MAGI2: variants seen among roughly 807,000 people sequenced by gnomAD.
MAGI2 encodes membrane-associated guanylate kinase, WW and PDZ domain-containing protein 2.
A neutral mutation model predicts 133.3 loss-of-function variants in MAGI2; 35 were observed. That is an observed-to-expected ratio of 0.26 (90% CI 0.20 to 0.35). The LOEUF is 0.35. Ranked by LOEUF, MAGI2 falls within the 10% of genes least tolerant of loss-of-function variation. The pLI is 1.00. For synonymous variants in MAGI2, 729 were observed against 710.6 expected (o/e 1.03, Z -0.41); for missense variants, 1,636 against 1,863.4 (o/e 0.88, Z 2.25).
At chr7:78,747,313 G>T (rs1436555763) in intron 2 of MAGI2, among the ~76,000 whole-genome samples, 1 of 152,102 alleles carries the variant, frequency 6.6e-6, no homozygotes, top group African/African-American at 2.4e-5. Context: ...TACTACCAAA[G>T]ATCTTTGGTT....
intron 3 of MAGI2, among the ~76,000 whole-genome samples, chr7:78,565,458 C>G (rs372444776): frequency 1.2e-3 from 175 of 149,690 alleles, no homozygotes; most frequent in African/African-American, 4.0e-3. Context: ...AGAGTGAGAC[C>G]CCATCTCTAA....
At position 78,661,126 on chromosome 7, in the gene MAGI2, TATTTC is replaced by T. The variant is rs139120831; in HGVS notation, c.419-33892_419-33888del. On this transcript the variant is annotated intron_variant, in intron 2 of 21. Transcript: ENST00000354212. The stretch of plus-strand genomic sequence containing the variant: ...TGTGAAGCAATATTTCTGCATACCT[TATTTC>T]ATTTGTATTTAAGAAGTTTATCATC... Among the ~76,000 whole-genome samples the T allele has an allele frequency of 2.3e-3, 354 of 152,330 alleles. 1 individual carries two copies. Among genetic ancestry groups the T allele is most frequent in the African/African-American group, 8.3e-3 (345 of 41,574 alleles).
chr7:78,922,438 C>T (rs1232088167), intron 2 of MAGI2, among the ~76,000 whole-genome samples: 27 of 150,822 alleles, frequency 1.8e-4, no homozygotes, highest in African/African-American at 4.4e-4. Flanking sequence ...TGAGAACATG[C>T]GGTGTTTGGT....
intron 10 of MAGI2, among the ~76,000 whole-genome samples, chr7:78,217,306 C>T (rs764371832): frequency 1.3e-5 from 2 of 152,194 alleles, no homozygotes; most frequent in Non-Finnish European, 2.9e-5. Context: ...TAACTTTTCT[C>T]TCCCCTATGG....
At chr7:78,286,067 A>G (rs551157055) in intron 9 of MAGI2, among the ~76,000 whole-genome samples, 2 of 152,274 alleles carry the variant, frequency 1.3e-5, no homozygotes, top group East Asian at 1.9e-4. Context: ...TTACTAAGCA[A>G]TATTACTCTT....
At chr7:79,221,455 G>C (rs996233086) in intron 1 of MAGI2, among the ~76,000 whole-genome samples, 1 of 151,934 alleles carries the variant, frequency 6.6e-6, no homozygotes, top group Non-Finnish European at 1.5e-5. Context: ...GTAATGCACA[G>C]CTGTATATTT....
intron 1 of MAGI2, among the ~76,000 whole-genome samples, chr7:79,133,722 A>C: frequency 6.6e-6 from 1 of 152,298 alleles, no homozygotes; most frequent in East Asian, 1.9e-4. Context: ...GCAACAGAAA[A>C]TTTTTCAATT....
At chr7:78,983,349 T>A (rs1485418247) in intron 2 of MAGI2, among the ~76,000 whole-genome samples, 1 of 152,004 alleles carries the variant, frequency 6.6e-6, no homozygotes, top group Non-Finnish European at 1.5e-5. Context: ...ATAAAACTAC[T>A]GTTCTAAATA....
At chr7:78,740,502 C>G (rs1259458912) in intron 2 of MAGI2, among the ~76,000 whole-genome samples, 2 of 152,126 alleles carry the variant, frequency 1.3e-5, no homozygotes, top group African/African-American at 4.8e-5. Flanking sequence ...TATACAGAAG[C>G]GATGGTACTT....
At chr7:78,957,433 T>C (rs1802483072) in intron 2 of MAGI2, among the ~76,000 whole-genome samples, 1 of 152,094 alleles carries the variant, frequency 6.6e-6, no homozygotes, top group Non-Finnish European at 1.5e-5. Context: ...CAATTACTGA[T>C]AATTGTAATT....
intron 1 of MAGI2, among the ~76,000 whole-genome samples, chr7:79,406,568 T>G (rs1460093585): frequency 6.6e-6 from 1 of 152,098 alleles, no homozygotes; most frequent in Non-Finnish European, 1.5e-5. Context: ...CAGGAAACTT[T>G]GAGTTTATGT....
At chr7:79,131,695 GA>G (rs1820950289) in intron 1 of MAGI2, among the ~76,000 whole-genome samples, 1 of 152,062 alleles carries the variant, frequency 6.6e-6, no homozygotes, top group Non-Finnish European at 1.5e-5. Context: ...CCAGGACTAA[GA>G]AAAAACTACT....
At chr7:78,714,401 G>A (rs1015617257) in intron 2 of MAGI2, among the ~76,000 whole-genome samples, 4 of 152,084 alleles carry the variant, frequency 2.6e-5, no homozygotes, top group Non-Finnish European at 4.4e-5. Flanking sequence ...TAAGCTACTC[G>A]GTGCATGCCC....
intron 3 of MAGI2, among the ~76,000 whole-genome samples, chr7:78,543,447 C>T (rs1798572291): frequency 1.3e-5 from 2 of 152,260 alleles, no homozygotes; most frequent in South Asian, 2.1e-4. Flanking sequence ...ATGTATCAAA[C>T]ATCATTTTTA....
chr7:78,698,783 C>G (rs900223750), intron 2 of MAGI2, among the ~76,000 whole-genome samples: 1 of 151,954 alleles, frequency 6.6e-6, no homozygotes, highest in South Asian at 2.1e-4. Context: ...TCAAACAAAG[C>G]GGAGGGAAAG....
intron 1 of MAGI2, among the ~76,000 whole-genome samples, chr7:79,390,196 C>T (rs1844496557): frequency 6.6e-6 from 1 of 152,122 alleles, no homozygotes; most frequent in African/African-American, 2.4e-5. Flanking sequence ...GTTTGCATGG[C>T]TCCTAAAAAT....
chr7:78,532,297 A>G (rs751744432), intron 3 of MAGI2, among the ~76,000 whole-genome samples: 57 of 152,256 alleles, frequency 3.7e-4, no homozygotes, highest in Non-Finnish European at 5.0e-4. Flanking sequence ...ACAATAAACT[A>G]AAGTCAACAA....
At chr7:79,008,498 A>C (rs1445223805) in intron 1 of MAGI2, among the ~76,000 whole-genome samples, 1 of 152,166 alleles carries the variant, frequency 6.6e-6, no homozygotes, top group Non-Finnish European at 1.5e-5. Context: ...ATTAACTGTC[A>C]AAATTCTTAC....
chr7:78,439,038 G>T, intron 6 of MAGI2, among the ~76,000 whole-genome samples: 1 of 152,156 alleles, frequency 6.6e-6, no homozygotes, highest in East Asian at 1.9e-4. Context: ...CTGAAGAGTA[G>T]CTGGAAGCCC....
Sources: allele counts gnomAD v4.1 joint callset (sites outside exome capture counted in the v4.1 genomes callset), GRCh38; gene constraint gnomAD v4.1.1; transcripts MANE v1.5; gene names NCBI Gene and HGNC (gene_info 2026-07-23, HGNC 2026-07-21).